KCNK9: variants seen among roughly 807,000 people sequenced by gnomAD.
The protein encoded by KCNK9 is potassium channel subfamily K member 9.
Under a neutral mutation model 10.8 loss-of-function variants are expected in KCNK9, and 1 was observed. The ratio of observed to expected loss-of-function variants is 0.09; its 90% CI spans 0.03 to 0.44. The LOEUF (loss-of-function observed/expected upper bound fraction) is 0.44, where lower values mean the gene tolerates loss of function less well. Among genes scored for constraint, KCNK9 ranks in the 20% least tolerant of loss-of-function variants. The pLI is 0.97. For missense variants in KCNK9, 303 were observed against 515.0 expected (o/e 0.59, Z 3.98); for synonymous variants, 231 against 222.7 (o/e 1.04, Z -0.33).
At chr8:139,646,681 G>A (rs1815696131) in intron 1 of KCNK9, among the ~76,000 whole-genome samples, 1 of 152,266 alleles carries the variant, frequency 6.6e-6, no homozygotes, top group African/African-American at 2.4e-5. Flanking sequence ...CTGAATGAAT[G>A]AATGAATGCA....
At chr8:139,688,885 C>A (rs1475098897) in intron 1 of KCNK9, among the ~76,000 whole-genome samples, 1 of 152,148 alleles carries the variant, frequency 6.6e-6, no homozygotes, top group Non-Finnish European at 1.5e-5. Context: ...TCACAGCAGT[C>A]CTAGCAGGTT....
chr8:139,636,093 C>T (rs1451991610), intron 1 of KCNK9, among the ~76,000 whole-genome samples: 4 of 152,118 alleles, frequency 2.6e-5, no homozygotes, highest in Non-Finnish European at 5.9e-5. Flanking sequence ...GACCAGAAAC[C>T]AATATGGTGG....
intron 1 of KCNK9, among the ~76,000 whole-genome samples, chr8:139,619,598 C>T (rs150252799): frequency 8.1e-4 from 124 of 152,298 alleles, no homozygotes; most frequent in African/African-American, 2.7e-3. Context: ...ATGGGCCAGG[C>T]ACAGTGCTGA....
chr8:139,682,197 A>G (rs1289107297), intron 1 of KCNK9, among the ~76,000 whole-genome samples: 1 of 152,228 alleles, frequency 6.6e-6, no homozygotes, highest in African/African-American at 2.4e-5. Flanking sequence ...TGAAAGACCT[A>G]GAGAATATTC....
At chr8:139,662,879 G>C (rs4736289) in intron 1 of KCNK9, among the ~76,000 whole-genome samples, 2 of 137,082 alleles carry the variant, frequency 1.5e-5, no homozygotes, top group Non-Finnish European at 1.5e-5. Flanking sequence ...GGGAAGGGGG[G>C]GGGGCTGGAG....
At chr8:139,607,686 C>A (rs1041093800), downstream of KCNK9, among the ~76,000 whole-genome samples, 3 of 152,184 alleles carry the variant, frequency 2.0e-5, no homozygotes, top group Non-Finnish European at 4.4e-5. Flanking sequence ...GTCTACAGAA[C>A]TAATCTACCT....
intron 1 of KCNK9, among the ~76,000 whole-genome samples, chr8:139,679,351 C>T (rs1025069705): frequency 1.3e-5 from 2 of 152,210 alleles, no homozygotes; most frequent in Non-Finnish European, 1.5e-5. Context: ...TCCCTGAGCA[C>T]GGGGGTGTGG....
intron 1 of KCNK9, among the ~76,000 whole-genome samples, chr8:139,629,960 G>A (rs1456391541): frequency 6.6e-6 from 1 of 151,990 alleles, no homozygotes; most frequent in Non-Finnish European, 1.5e-5. Context: ...AGTGACAGAA[G>A]CCAGTCATGA....
intron 1 of KCNK9, among the ~76,000 whole-genome samples, chr8:139,630,134 A>G (rs1815117657): frequency 6.6e-6 from 1 of 152,198 alleles, no homozygotes; most frequent in Non-Finnish European, 1.5e-5. Context: ...CTCGGAACTC[A>G]GTCCCAGTGG....
At chr8:139,657,571 C>T (rs530047145) in intron 1 of KCNK9, among the ~76,000 whole-genome samples, 4 of 152,112 alleles carry the variant, frequency 2.6e-5, no homozygotes, top group African/African-American at 9.7e-5. Flanking sequence ...AGAGCCAAAA[C>T]CCCCCAGAGC....
chr8:139,635,303 C>T (rs1225376136), intron 1 of KCNK9, among the ~76,000 whole-genome samples: 3 of 152,246 alleles, frequency 2.0e-5, no homozygotes. Flanking sequence ...GCCCGAGTGT[C>T]TGCGTTGCTA....
At chr8:139,640,720 C>T (rs889246264) in intron 1 of KCNK9, among the ~76,000 whole-genome samples, 8 of 152,332 alleles carry the variant, frequency 5.3e-5, no homozygotes, top group African/African-American at 1.9e-4. Context: ...TCAGGAGGGT[C>T]CAAGAACCTG....
At chr8:139,683,377 CA>C (rs1443382712) in intron 1 of KCNK9, among the ~76,000 whole-genome samples, 2 of 152,178 alleles carry the variant, frequency 1.3e-5, no homozygotes, top group Non-Finnish European at 2.9e-5. Flanking sequence ...GCTCTCCTGC[CA>C]AAAGCATTCC....
intron 1 of KCNK9, among the ~76,000 whole-genome samples, chr8:139,641,196 T>C (rs1167888426): frequency 6.6e-6 from 1 of 152,164 alleles, no homozygotes; most frequent in Non-Finnish European, 1.5e-5. Context: ...CGGTGTGTGC[T>C]GTGGTGAGAA....
chr8:139,660,267 A>G (rs1406689761), intron 1 of KCNK9, among the ~76,000 whole-genome samples: 1 of 152,116 alleles, frequency 6.6e-6, no homozygotes, highest in Non-Finnish European at 1.5e-5. Flanking sequence ...ACAGCCCGCG[A>G]TGAAGACTGG....
intron 2 of KCNK9, among the ~76,000 whole-genome samples, chr8:139,606,143 C>G (rs971513909): frequency 5.9e-5 from 9 of 152,194 alleles, no homozygotes; most frequent in Non-Finnish European, 1.0e-4. Context: ...ATCCCGCTCA[C>G]CAAGGGAGGA....
chr8:139,621,618 A>G (rs1339425644), intron 1 of KCNK9, among the ~76,000 whole-genome samples: 1 of 152,364 alleles, frequency 6.6e-6, no homozygotes, highest in African/African-American at 2.4e-5. Flanking sequence ...ACATTTTCAA[A>G]TGAAGTAAAA....
downstream of KCNK9, chr8:139,616,465 G>A (rs904370554): frequency 6.6e-6 from 1 of 152,182 alleles, no homozygotes; most frequent in African/African-American, 2.4e-5. Context: ...TGTCCTGGAC[G>A]AAGGGGAAAT....
chr8:139,680,798 G>T (rs543313068), intron 1 of KCNK9, among the ~76,000 whole-genome samples: 2 of 152,112 alleles, frequency 1.3e-5, no homozygotes, highest in Admixed American at 1.3e-4. Flanking sequence ...GAACCCAGGC[G>T]GTCGCATTCT....
Sources: gnomAD v4.1 joint callset for allele counts (sites outside exome capture counted in the v4.1 genomes callset) on GRCh38, gnomAD v4.1.1 for gene constraint, MANE v1.5 for transcripts, NCBI Gene and HGNC (gene_info 2026-07-23, HGNC 2026-07-21) for gene names.